The following SLC2A13 variants were observed in gnomAD, a reference collection of about 807,000 sequenced individuals.
SLC2A13 encodes the protein proton myo-inositol cotransporter.
A neutral mutation model predicts 64.4 loss-of-function variants in SLC2A13; 32 were observed. The ratio of observed to expected loss-of-function variants is 0.50; its 90% confidence interval spans 0.37 to 0.67. The LOEUF is 0.67. SLC2A13 is among the 30% of genes least tolerant of loss of function. SLC2A13 has a pLI of 0.00. For missense variants in SLC2A13, 743 were observed against 829.2 expected, an observed-to-expected ratio of 0.90 and a Z score of 1.28; for synonymous variants, 338 against 327.1, an observed-to-expected ratio of 1.03 and a Z score of -0.36.
intron 1 of SLC2A13, among the ~76,000 whole-genome samples, chr12:40,054,056 T>C (rs1948299861): frequency 6.6e-6 from 1 of 152,208 alleles, no homozygotes; most frequent in Non-Finnish European, 1.5e-5. Flanking sequence ...CAAATCACTA[T>C]TATGTATTTG....
chr12:40,056,088 A>T (rs746763705), intron 1 of SLC2A13, among the ~76,000 whole-genome samples: 3 of 151,944 alleles, frequency 2.0e-5, no homozygotes, highest in Non-Finnish European at 4.4e-5. Context: ...GCACCCTTAT[A>T]GTACAAAATC....
chr12:39,964,051 T>C (rs1001131739), intron 3 of SLC2A13, among the ~76,000 whole-genome samples: 5 of 152,148 alleles, frequency 3.3e-5, no homozygotes, highest in African/African-American at 1.2e-4. Context: ...TACCTTGAAA[T>C]GTAACATCTT....
At chr12:39,819,443 C>T (rs1942428064) in intron 7 of SLC2A13, among the ~76,000 whole-genome samples, 1 of 152,200 alleles carries the variant, frequency 6.6e-6, no homozygotes, top group East Asian at 1.9e-4. Context: ...TGCTCTGTCC[C>T]ATAGTTTACT....
At chr12:40,063,727 G>A (rs558224778) in intron 1 of SLC2A13, among the ~76,000 whole-genome samples, 47 of 152,232 alleles carry the variant, frequency 3.1e-4, no homozygotes, top group African/African-American at 1.1e-3. Context: ...ATAGAGGACG[G>A]ACTAATTAAG....
At chr12:39,925,925 C>A (rs971312080) in intron 4 of SLC2A13, among the ~76,000 whole-genome samples, 2 of 152,026 alleles carry the variant, frequency 1.3e-5, no homozygotes, top group Non-Finnish European at 2.9e-5. Flanking sequence ...CTAAGTTATC[C>A]AAATTAATTT....
chr12:40,005,826 T>C (rs1947406267), intron 3 of SLC2A13, among the ~76,000 whole-genome samples: 1 of 152,206 alleles, frequency 6.6e-6, no homozygotes, highest in Non-Finnish European at 1.5e-5. Flanking sequence ...TATCCTGGAA[T>C]CAAGCCCCCG....
At chr12:39,929,149 G>A (rs1945778788) in intron 4 of SLC2A13, among the ~76,000 whole-genome samples, 1 of 152,028 alleles carries the variant, frequency 6.6e-6, no homozygotes. Flanking sequence ...CCAAGTCTGG[G>A]GACTGAATAA....
chr12:39,994,932 A>G (rs1947202229), intron 3 of SLC2A13, among the ~76,000 whole-genome samples: 1 of 152,258 alleles, frequency 6.6e-6, no homozygotes, highest in Admixed American at 6.5e-5. Context: ...GCATATCAAC[A>G]GGACTCAATA....
intron 4 of SLC2A13, among the ~76,000 whole-genome samples, chr12:39,891,713 C>T (rs1944613890): frequency 6.6e-6 from 1 of 152,122 alleles, no homozygotes; most frequent in African/African-American, 2.4e-5. Flanking sequence ...AAGTTATGAA[C>T]ATGCCTTAGG....
intron 6 of SLC2A13, among the ~76,000 whole-genome samples, chr12:39,851,606 T>C (rs967910167): frequency 5.3e-5 from 8 of 152,148 alleles, no homozygotes; most frequent in African/African-American, 1.9e-4. Flanking sequence ...CAAGGAGTAA[T>C]AGGTTTCTAC....
intron 3 of SLC2A13, among the ~76,000 whole-genome samples, chr12:40,011,422 T>TTC (rs1947529672): frequency 6.6e-6 from 1 of 152,224 alleles, no homozygotes; most frequent in Non-Finnish European, 1.5e-5. Context: ...TCTTGGGTCC[T>TTC]TCCCTTTGTT....
At chr12:39,901,163 C>G (rs10735895) in intron 4 of SLC2A13, among the ~76,000 whole-genome samples, 150,712 of 152,174 alleles carry the variant, frequency 0.99, 74,653 homozygotes, top group Middle Eastern at 1. Flanking sequence ...TGGATCCCTT[C>G]CTTACACCTT....
intron 7 of SLC2A13, among the ~76,000 whole-genome samples, chr12:39,806,486 A>G (rs1288189884): frequency 1.3e-5 from 2 of 152,204 alleles, no homozygotes; most frequent in African/African-American, 4.8e-5. Flanking sequence ...GAAGTCACAC[A>G]GGCTTCTATC....
chr12:39,797,870 T>C (rs1415613234), intron 7 of SLC2A13, among the ~76,000 whole-genome samples: 1 of 152,180 alleles, frequency 6.6e-6, no homozygotes, highest in Non-Finnish European at 1.5e-5. Context: ...AGAATACTTC[T>C]AATGAGATCT....
At chr12:40,043,877 C>A (rs11174918) in intron 2 of SLC2A13, among the ~76,000 whole-genome samples, 34,979 of 151,970 alleles carry the variant, frequency 0.23, 4,434 homozygotes, top group Middle Eastern at 0.36. Flanking sequence ...AAAATTGAAA[C>A]CCTCATACGT....
At chr12:39,815,273 A>G (rs978182946) in intron 7 of SLC2A13, among the ~76,000 whole-genome samples, 4 of 152,252 alleles carry the variant, frequency 2.6e-5, no homozygotes, top group African/African-American at 9.6e-5. Context: ...AAGAGAAAAC[A>G]GAATAAAGCA....
At chr12:39,997,166 T>C (rs1003198791) in intron 3 of SLC2A13, among the ~76,000 whole-genome samples, 1 of 152,134 alleles carries the variant, frequency 6.6e-6, no homozygotes, top group Non-Finnish European at 1.5e-5. Context: ...CAAAACAGCA[T>C]TATACCAGTA....
chr12:39,762,162 C>T (rs1478261300), intron 9 of SLC2A13, among the ~76,000 whole-genome samples: 1 of 152,022 alleles, frequency 6.6e-6, no homozygotes, highest in Non-Finnish European at 1.5e-5. Flanking sequence ...GTGGCTAAGT[C>T]GTGGAGGAGT....
intron 4 of SLC2A13, among the ~76,000 whole-genome samples, chr12:39,946,155 C>T (rs1400543890): frequency 6.6e-6 from 1 of 152,148 alleles, no homozygotes; most frequent in Admixed American, 6.5e-5. Context: ...AGCGAGTCTA[C>T]CTGGCTCCAG....
Sources: gnomAD v4.1 joint callset for allele counts (sites outside exome capture counted in the v4.1 genomes callset) on GRCh38, gnomAD v4.1.1 for gene constraint, MANE v1.5 for transcripts, NCBI Gene and HGNC (gene_info 2026-07-23, HGNC 2026-07-21) for gene names.